The following KALRN variants were observed in gnomAD, a reference collection of about 807,000 sequenced individuals.
KALRN encodes the protein kalirin RhoGEF kinase.
In KALRN, 70 loss-of-function variants were observed where a neutral mutation model predicts 353.7. The observed-to-expected ratio is 0.20, with a 90% confidence interval of 0.16 to 0.24. KALRN has a LOEUF of 0.24. Ranked by LOEUF, KALRN falls within the 10% of genes least tolerant of loss-of-function variation. KALRN has a pLI of 1.00. For missense variants in KALRN, 2,791 were observed against 3,756.7 expected (o/e 0.74, Z 6.72); for synonymous variants, 1,391 against 1,434.8 (o/e 0.97, Z 0.69).
intron 1 of KALRN, chr3:124,094,868 C>T (rs1465719025): frequency 1.2e-6 from 2 of 1,614,092 alleles, no homozygotes; most frequent in South Asian, 1.1e-5. Context: ...CCAGTGGTAT[C>T]TCTGGTATCT....
intron 6 of KALRN, among the ~76,000 whole-genome samples, chr3:124,311,356 G>A (rs2078252884): frequency 6.6e-6 from 1 of 151,824 alleles, no homozygotes; most frequent in Non-Finnish European, 1.5e-5. Flanking sequence ...CCAGCTACTG[G>A]GGAGGGCGAA....
chr3:124,545,131 G>A (rs745324702), intron 33 of KALRN, among the ~76,000 whole-genome samples: 2 of 152,214 alleles, frequency 1.3e-5, no homozygotes, highest in Non-Finnish European at 2.9e-5. Context: ...TGTGATACCA[G>A]GAAGGTTCCC....
At chr3:124,682,801 A>G (rs921665971) in intron 51 of KALRN, among the ~76,000 whole-genome samples, 2 of 152,276 alleles carry the variant, frequency 1.3e-5, no homozygotes, top group East Asian at 1.9e-4. Context: ...AGAATACCCA[A>G]TTAGGTAAAG....
At chr3:124,376,818 G>A (rs1284566183) in intron 10 of KALRN, among the ~76,000 whole-genome samples, 1 of 152,098 alleles carries the variant, frequency 6.6e-6, no homozygotes, top group Non-Finnish European at 1.5e-5. Context: ...TAGGTACATC[G>A]AGGAATAGTT....
intron 19 of KALRN, among the ~76,000 whole-genome samples, chr3:124,445,894 G>T (rs754251296): frequency 3.3e-5 from 5 of 152,222 alleles, no homozygotes; most frequent in Non-Finnish European, 7.3e-5. Context: ...GGGGTCATTT[G>T]TAAGTCACTG....
chr3:124,430,540 T>C, intron 15 of KALRN, 116 bp from the exon 16 acceptor site: 4 of 1,270,518 alleles, frequency 3.1e-6, no homozygotes, highest in Non-Finnish European at 4.4e-6. Flanking sequence ...CTGTCCTCTC[T>C]CCAACAGAAG....
At chr3:124,413,166 T>C (rs2092296231) in intron 13 of KALRN, among the ~76,000 whole-genome samples, 1 of 152,072 alleles carries the variant, frequency 6.6e-6, no homozygotes, top group Admixed American at 6.6e-5. Context: ...CCTCATTGAG[T>C]TATTGTGAGG....
intron 51 of KALRN, among the ~76,000 whole-genome samples, chr3:124,692,738 ATAACACT>A (rs1226904013): frequency 3.3e-5 from 5 of 152,258 alleles, no homozygotes; most frequent in Admixed American, 6.5e-5. Context: ...AATCTTTGTG[ATAACACT>A]TTACACTAGG....
intron 34 of KALRN, among the ~76,000 whole-genome samples, chr3:124,609,613 A>C (rs1485341141): frequency 1.3e-5 from 2 of 152,232 alleles, no homozygotes; most frequent in Non-Finnish European, 2.9e-5. Context: ...CTGCCTGGGA[A>C]GGAAAATGAG....
At chr3:124,386,636 G>T (rs2088372231) in intron 11 of KALRN, among the ~76,000 whole-genome samples, 1 of 152,148 alleles carries the variant, frequency 6.6e-6, no homozygotes, top group Non-Finnish European at 1.5e-5. Context: ...TATGCAGTTG[G>T]ACTTGGCCCT....
chr3:124,496,012 T>TATATATATACAC (rs1345047394), intron 32 of KALRN, among the ~76,000 whole-genome samples: 22 of 43,674 alleles, frequency 5.0e-4, no homozygotes, highest in East Asian at 1.2e-3. Context: ...TATATATATA[T>TATATATATACAC]ACACACACAT....
intron 1 of KALRN, among the ~76,000 whole-genome samples, chr3:124,090,580 G>C (rs761102451): frequency 6.6e-6 from 1 of 152,212 alleles, no homozygotes; most frequent in Non-Finnish European, 1.5e-5. Flanking sequence ...AGAGGAGAGA[G>C]GCCCCTCTGC....
At chr3:124,703,886 T>C (rs1372022978) in intron 57 of KALRN, among the ~76,000 whole-genome samples, 2 of 152,040 alleles carry the variant, frequency 1.3e-5, no homozygotes, top group Admixed American at 6.6e-5. Flanking sequence ...CCCAGGCTGG[T>C]CTCAAATTCC....
At chr3:124,395,542 T>G in intron 12 of KALRN, 199 bp downstream of exon 12, 1 of 542,410 alleles carries the variant, frequency 1.8e-6, no homozygotes, top group Non-Finnish European at 3.3e-6. Context: ...GCTTTAATGT[T>G]TCAAAGAATT....
chr3:124,061,581 A>G (rs571135736), intron 1 of KALRN, among the ~76,000 whole-genome samples: 1 of 152,322 alleles, frequency 6.6e-6, no homozygotes, highest in South Asian at 2.1e-4. Flanking sequence ...AGACAAGGAC[A>G]TTTATTTTTA....
intron 47 of KALRN, among the ~76,000 whole-genome samples, chr3:124,669,165 C>A (rs902194436): frequency 1.3e-5 from 2 of 152,138 alleles, no homozygotes; most frequent in African/African-American, 4.8e-5. Context: ...TCCAAGGTCA[C>A]AGAAGCAGTA....
intron 3 of KALRN, among the ~76,000 whole-genome samples, chr3:124,252,573 C>G (rs2071325844): frequency 6.6e-6 from 1 of 152,194 alleles, no homozygotes; most frequent in Non-Finnish European, 1.5e-5. Context: ...GCCCTGGCAT[C>G]ACAAATCAGA....
rs1334412968 is a variant in KALRN, at chr3:124,666,607, T to C, written c.6504T>C (p.Pro2168=). The change falls in exon 46 of 60, where the codon CCT becomes CCC. Residue 2168 remains proline, a synonymous_variant. Transcript: ENST00000682506. ...TGCTCAGGAAGGGATCCCTCACCCC[T>C]GGCTACATGTTCAAAAGGAGCATCA... ...SELLRKGSLT[P]GYMFKRSIKM... The C allele has an allele frequency of 1.5e-5, 24 of 1,613,950 alleles. No individual in the cohort carries two copies. Among genetic ancestry groups the C allele is most frequent in the Non-Finnish European group, 1.9e-5 (23 of 1,179,980 alleles).
intron 33 of KALRN, among the ~76,000 whole-genome samples, chr3:124,560,720 G>A (rs1480947516): frequency 1.3e-5 from 2 of 152,164 alleles, no homozygotes; most frequent in African/African-American, 2.4e-5. Flanking sequence ...GCTGAGTGTG[G>A]TGGTACACAC....
Sources: allele counts gnomAD v4.1 joint callset (sites outside exome capture counted in the v4.1 genomes callset), GRCh38; gene constraint gnomAD v4.1.1; transcripts MANE v1.5; gene names NCBI Gene and HGNC (gene_info 2026-07-23, HGNC 2026-07-21).